Variants in HIVEP3 observed in about 807,000 individuals in gnomAD.
The protein encoded by HIVEP3 is HIVEP zinc finger 3, also known as transcription factor HIVEP3.
In HIVEP3, 49 loss-of-function variants were observed where a neutral mutation model predicts 152.8. The observed-to-expected ratio is 0.32, with a 90% CI of 0.26 to 0.41. The LOEUF (loss-of-function observed/expected upper bound fraction) is 0.41, where lower values mean the gene tolerates loss of function less well. HIVEP3 is among the 10% of genes least tolerant of loss of function. The pLI, the probability that HIVEP3 is intolerant of heterozygous loss-of-function variation, is 1.00. For missense variants in HIVEP3, 2,790 were observed against 3,103.3 expected, an observed-to-expected ratio of 0.90 and a Z score of 2.40; for synonymous variants, 1,269 against 1,289.0, an observed-to-expected ratio of 0.98 and a Z score of 0.33.
At chr1:41,527,964 C>G (rs1643056285) in intron 5 of HIVEP3, among the ~76,000 whole-genome samples, 1 of 148,556 alleles carries the variant, frequency 6.7e-6, no homozygotes. Context: ...ACCCCACACC[C>G]TTGCATTCAC....
intron 2 of HIVEP3, among the ~76,000 whole-genome samples, chr1:41,633,158 G>A (rs550908292): frequency 6.6e-6 from 1 of 152,222 alleles, no homozygotes; most frequent in Admixed American, 6.5e-5. Context: ...ACACACCTGA[G>A]GGCCTAGATG....
intron 1 of HIVEP3, among the ~76,000 whole-genome samples, chr1:41,724,879 A>C (rs564657674): frequency 6.6e-6 from 1 of 152,382 alleles, no homozygotes; most frequent in South Asian, 2.1e-4. Context: ...GGGGCTCAGC[A>C]GAAGCCTGTG....
rs146754368 is a variant in HIVEP3, at chr1:42,002,978, T to C, written n.119+32829A>G. 2.4e-3 allele frequency among the ~76,000 whole-genome samples: 372 copies of C among 152,340 alleles called. 1 individual carries two copies. Among genetic ancestry groups the C allele is most frequent in the Non-Finnish European group, 3.3e-3 (222 of 68,036 alleles). On this transcript the variant is annotated intron_variant and non_coding_transcript_variant, in intron 1 of 3. Transcript: ENST00000489103. Reference sequence around the variant, plus strand: ...CTGTGAGTTTATTAGCATCATTCAGTATTATCTTTTAGAGATTTCTGGGTT... The same window carrying C: ...CTGTGAGTTTATTAGCATCATTCAGCATTATCTTTTAGAGATTTCTGGGTT...
intron 5 of HIVEP3, among the ~76,000 whole-genome samples, chr1:41,568,709 G>A (rs1361812765): frequency 6.6e-6 from 1 of 152,230 alleles, no homozygotes; most frequent in East Asian, 1.9e-4. Context: ...GTAAGACAGA[G>A]TGGCTTTCGG....
chr1:41,519,708 C>T (rs200453040), intron 6 of HIVEP3, among the ~76,000 whole-genome samples: 4 of 151,652 alleles, frequency 2.6e-5, no homozygotes, highest in East Asian at 3.9e-4. Flanking sequence ...GCGATTGGTG[C>T]GTGGATAGAT....
intron 3 of HIVEP3, among the ~76,000 whole-genome samples, chr1:41,618,244 C>A (rs550297418): frequency 6.6e-6 from 1 of 152,376 alleles, no homozygotes; most frequent in African/African-American, 2.4e-5. Context: ...GGCTGCCACA[C>A]AGAAGAGTCT....
At chr1:41,578,636 T>A (rs895177038) in intron 4 of HIVEP3, among the ~76,000 whole-genome samples, 1 of 152,248 alleles carries the variant, frequency 6.6e-6, no homozygotes, top group Middle Eastern at 3.2e-3. Context: ...AAACATTTTT[T>A]AATTTGCAGT....
At chr1:41,875,806 C>T (rs901368815) in intron 1 of HIVEP3, among the ~76,000 whole-genome samples, 1 of 152,256 alleles carries the variant, frequency 6.6e-6, no homozygotes, top group Non-Finnish European at 1.5e-5. Context: ...GCACCTTCTT[C>T]TCTCCACGAA....
intron 1 of HIVEP3, among the ~76,000 whole-genome samples, chr1:41,850,093 C>T (rs192250706): frequency 4.6e-5 from 7 of 152,330 alleles, no homozygotes; most frequent in Admixed American, 1.3e-4. Flanking sequence ...GTTTTGGTTA[C>T]ACTCCTACGG....
intron 1 of HIVEP3, among the ~76,000 whole-genome samples, chr1:41,856,857 C>G (rs1201831377): frequency 6.6e-6 from 1 of 152,114 alleles, no homozygotes; most frequent in Non-Finnish European, 1.5e-5. Context: ...AGGAACACAG[C>G]CCGTGTGGGA....
rs114843776 is a variant in HIVEP3 at position 41,700,460 on chromosome 1, C to A, written c.-721+456G>T. Among the ~76,000 whole-genome samples the A allele has an allele frequency of 7.5e-3, 1,140 of 152,292 alleles. 5 individuals carry two copies. Among genetic ancestry groups the A allele is most frequent in the Non-Finnish European group, 0.013 (904 of 68,022 alleles). ...CTCTGTGGCTGTAAAGTCCATGGAG[C>A]AATCAAACAGGAGACTGAGTTCTAA... On this transcript the variant is annotated intron_variant, in intron 2 of 8. Coordinates refer to ENST00000372583, the MANE Select transcript of HIVEP3 (RefSeq NM_024503.5).
intron 1 of HIVEP3, among the ~76,000 whole-genome samples, chr1:41,717,742 A>G (rs971971449): frequency 1.3e-5 from 2 of 152,164 alleles, no homozygotes; most frequent in Non-Finnish European, 2.9e-5. Flanking sequence ...ACCAGAGGCA[A>G]GTTTTCTGCC....
At chr1:42,016,021 C>A (rs1038308212) in intron 1 of HIVEP3, among the ~76,000 whole-genome samples, 2 of 152,186 alleles carry the variant, frequency 1.3e-5, no homozygotes, top group Non-Finnish European at 2.9e-5. Flanking sequence ...GTAAAAGGGG[C>A]CTTTGGCTAG....
chr1:41,539,668 T>TA (rs1404849133), intron 5 of HIVEP3, among the ~76,000 whole-genome samples: 1 of 152,182 alleles, frequency 6.6e-6, no homozygotes, highest in Non-Finnish European at 1.5e-5. Flanking sequence ...GGCTGAGGCC[T>TA]CCCCAGACCA....
chr1:41,649,054 T>C (rs969249959), intron 2 of HIVEP3, among the ~76,000 whole-genome samples: 12 of 152,304 alleles, frequency 7.9e-5, no homozygotes, highest in African/African-American at 2.4e-4. Flanking sequence ...CATATAATAT[T>C]AGGATCACGG....
chr1:41,823,045 A>G (rs915012857), intron 1 of HIVEP3, among the ~76,000 whole-genome samples: 1 of 152,218 alleles, frequency 6.6e-6, no homozygotes, highest in Non-Finnish European at 1.5e-5. Context: ...CAGTGAGGCC[A>G]TAAGGGTGGG....
intron 1 of HIVEP3, among the ~76,000 whole-genome samples, chr1:41,753,189 G>A (rs1305710840): frequency 6.6e-6 from 1 of 151,972 alleles, no homozygotes; most frequent in Admixed American, 6.6e-5. Context: ...CACATTTCTG[G>A]TAAGTATGGA....
chr1:41,934,825 T>C (rs1267735481), intron 1 of HIVEP3, among the ~76,000 whole-genome samples: 2 of 152,174 alleles, frequency 1.3e-5, no homozygotes, highest in African/African-American at 4.8e-5. Context: ...TCAGGACAAC[T>C]GTCTTGTTGA....
At chr1:41,901,398 G>C (rs114304545) in intron 1 of HIVEP3, among the ~76,000 whole-genome samples, 1 of 152,024 alleles carries the variant, frequency 6.6e-6, no homozygotes, top group Non-Finnish European at 1.5e-5. Flanking sequence ...TAACACCAGG[G>C]GACGTGACAC....
Sources: gnomAD v4.1 joint callset for allele counts (sites outside exome capture counted in the v4.1 genomes callset) on GRCh38, gnomAD v4.1.1 for gene constraint, MANE v1.5 for transcripts, NCBI Gene and HGNC (gene_info 2026-07-23, HGNC 2026-07-21) for gene names.